The following AOPEP variants were observed in gnomAD, a reference collection of about 807,000 sequenced individuals.
AOPEP encodes the protein aminopeptidase O (putative).
AOPEP carries 77 observed loss-of-function variants against 98.1 expected under a neutral mutation model. The ratio of observed to expected loss-of-function variants is 0.78; its 90% confidence interval spans 0.65 to 0.95. AOPEP has a LOEUF of 0.95. Among genes scored for constraint, AOPEP ranks in the 40% least tolerant of loss-of-function variants. The pLI, the probability that AOPEP is intolerant of heterozygous loss-of-function variation, is 0.00. For synonymous variants in AOPEP, 346 were observed against 365.3 expected (o/e 0.95, Z 0.60); for missense variants, 1,024 against 1,024.7 (o/e 1.00, Z 0.01).
In AOPEP at chr9:94,775,394, A is replaced by G. The variant is rs1011548540; in HGVS notation, c.964+2226A>G. On this transcript the variant is annotated intron_variant, in intron 3 of 16. Coordinates refer to ENST00000375315, the MANE Select transcript of AOPEP (RefSeq NM_001193329.3). ...CTTGATTTTTTTTTTTTTTTGAGACAGAGTCTTGCTCTGTCGCCAGGCTGG... is the reference window on the plus strand; with the variant it reads ...CTTGATTTTTTTTTTTTTTTGAGACGGAGTCTTGCTCTGTCGCCAGGCTGG... Among the ~76,000 whole-genome samples the G allele has an allele frequency of 2.7e-5, 4 of 149,764 alleles. No individual in the cohort carries two copies. The East Asian group carries it at 7.8e-4, about 29-fold the overall frequency.
chr9:95,005,707 A>G, intron 13 of AOPEP, 91 bp downstream of exon 13: 1 of 1,026,720 alleles, frequency 9.7e-7, no homozygotes, highest in East Asian at 2.4e-5. Flanking sequence ...AGTAGTGTTT[A>G]ATTTAAAAAG....
chr9:95,073,173 G>T (rs887285713), intron 14 of AOPEP, among the ~76,000 whole-genome samples: 1 of 152,186 alleles, frequency 6.6e-6, no homozygotes, highest in Non-Finnish European at 1.5e-5. Flanking sequence ...TCTCTGACCT[G>T]GCCCAGGCTC....
chr9:95,048,775 G>A (rs2066078124), intron 13 of AOPEP: 1 of 152,194 alleles, frequency 6.6e-6, no homozygotes, highest in African/African-American at 2.4e-5. Flanking sequence ...AGTGATTCAA[G>A]GGCATAGGCG....
chr9:94,746,862 A>G (rs1449575419), intron 1 of AOPEP, among the ~76,000 whole-genome samples: 1 of 152,108 alleles, frequency 6.6e-6, no homozygotes, highest in Non-Finnish European at 1.5e-5. Context: ...CAATGTTCAC[A>G]TTTTAGACCC....
At chr9:95,013,406 C>CTTTTTTTTTTT (rs11453647) in intron 13 of AOPEP, among the ~76,000 whole-genome samples, 1 of 140,440 alleles carries the variant, frequency 7.1e-6, no homozygotes, top group Admixed American at 7.2e-5. Context: ...AAATATTATC[C>CTTTTTTTTTTT]TTTTTTTTTT....
intron 13 of AOPEP, chr9:95,006,321 T>A: frequency 3.1e-6 from 1 of 319,844 alleles, no homozygotes; most frequent in Non-Finnish European, 6.2e-6. Context: ...TTTGCTTAAT[T>A]ACATTTCACT....
intron 10 of AOPEP, among the ~76,000 whole-genome samples, chr9:94,971,852 A>C (rs888268862): frequency 4.6e-5 from 7 of 152,238 alleles, no homozygotes; most frequent in Non-Finnish European, 8.8e-5. Context: ...CCATGTAGGA[A>C]GTGCTCTGCT....
chr9:94,922,509 A>G (rs2053771372), intron 5 of AOPEP, among the ~76,000 whole-genome samples: 2 of 152,206 alleles, frequency 1.3e-5, no homozygotes, highest in Non-Finnish European at 1.5e-5. Context: ...TTTTTGTAGC[A>G]TTGCACATGC....
At chr9:94,827,642 G>A (rs891115960) in intron 5 of AOPEP, among the ~76,000 whole-genome samples, 1 of 152,154 alleles carries the variant, frequency 6.6e-6, no homozygotes, top group African/African-American at 2.4e-5. Context: ...TTTCAGGGCT[G>A]GAACTGTGGA....
intron 5 of AOPEP, among the ~76,000 whole-genome samples, chr9:94,883,279 T>C (rs1377338268): frequency 1.3e-5 from 2 of 152,190 alleles, no homozygotes; most frequent in Non-Finnish European, 2.9e-5. Context: ...CAGAGTTTAA[T>C]TGAGCAAGGA....
intron 9 of AOPEP, among the ~76,000 whole-genome samples, chr9:94,957,925 A>C (rs1004132719): frequency 6.6e-6 from 1 of 152,202 alleles, no homozygotes; most frequent in Non-Finnish European, 1.5e-5. Flanking sequence ...TACAAAAAAA[A>C]TTTACCATTT....
chr9:94,770,298 G>A (rs559060145), intron 2 of AOPEP, among the ~76,000 whole-genome samples: 1 of 152,314 alleles, frequency 6.6e-6, no homozygotes, highest in African/African-American at 2.4e-5. Flanking sequence ...AAAAGTCTGT[G>A]TTAACTATGG....
At chr9:95,138,795 C>A in the AOPEP span, among the ~76,000 whole-genome samples, 1 of 152,202 alleles carries the variant, frequency 6.6e-6, no homozygotes, top group Non-Finnish European at 1.5e-5. Context: ...GAAGAACCGA[C>A]CCATCCTGCT....
At chr9:95,121,187 G>A in the AOPEP span, among the ~76,000 whole-genome samples, 8 of 152,222 alleles carry the variant, frequency 5.3e-5, no homozygotes, top group South Asian at 1.7e-3. Flanking sequence ...TGTCATGGCT[G>A]CAACCAGAAA....
chr9:95,128,100 G>C, the AOPEP span, among the ~76,000 whole-genome samples: 1 of 152,182 alleles, frequency 6.6e-6, no homozygotes, highest in Non-Finnish European at 1.5e-5. Flanking sequence ...TTATTTCGTG[G>C]CTTCGAACTT....
At chr9:95,013,162 A>G (rs947778770) in intron 13 of AOPEP, among the ~76,000 whole-genome samples, 3 of 152,018 alleles carry the variant, frequency 2.0e-5, no homozygotes, top group Non-Finnish European at 2.9e-5. Context: ...AAACCCATTT[A>G]TAATAATTAA....
At chr9:94,835,014 A>C (rs1440554366) in intron 5 of AOPEP, among the ~76,000 whole-genome samples, 1 of 152,212 alleles carries the variant, frequency 6.6e-6, no homozygotes, top group African/African-American at 2.4e-5. Context: ...TGGGTACCTG[A>C]GAAAGGAAGA....
chr9:94,735,155 A>T (rs1318268482), intron 1 of AOPEP, among the ~76,000 whole-genome samples: 2 of 152,222 alleles, frequency 1.3e-5, no homozygotes, highest in African/African-American at 4.8e-5. Context: ...CTAGATACAT[A>T]AAAATTATCT....
At chr9:94,938,159 G>A (rs2056558429) in intron 7 of AOPEP, among the ~76,000 whole-genome samples, 1 of 152,120 alleles carries the variant, frequency 6.6e-6, no homozygotes. Flanking sequence ...AGGCGTGAGC[G>A]ACCGCGCCCG....
Sources: gnomAD v4.1 joint callset for allele counts (sites outside exome capture counted in the v4.1 genomes callset) on GRCh38, gnomAD v4.1.1 for gene constraint, MANE v1.5 for transcripts, NCBI Gene and HGNC (gene_info 2026-07-23, HGNC 2026-07-21) for gene names.